Variants in RBFOX1 observed in about 807,000 individuals in gnomAD.
RBFOX1 encodes RNA binding fox-1 homolog 1.
Under a neutral mutation model 57.7 loss-of-function variants are expected in RBFOX1, and 8 were observed. The observed-to-expected ratio is 0.14, with a 90% CI of 0.08 to 0.25. The LOEUF is 0.25. Among genes scored for constraint, RBFOX1 ranks in the 10% least tolerant of loss-of-function variants. The probability of loss-of-function intolerance (pLI) is 1.00; values close to 1 mark genes in which losing one functional copy is unlikely to be tolerated. For missense variants in RBFOX1, 611 were observed against 548.5 expected (o/e 1.11, Z -1.14); for synonymous variants, 326 against 222.4 (o/e 1.47, Z -4.15).
At position 5,540,176 on chromosome 16, in the gene RBFOX1, G is replaced by A. The variant is rs113770745; in HGVS notation, c.259-58726G>A. ...AAAATCAAAAGGATCTGGGGTCTTA[G>A]ACACCATGTGGCACTGCTGAAACAT... On this transcript the variant is annotated intron_variant, in intron 2 of 2. Coordinates refer to the RBFOX1 transcript ENST00000585867. Among the ~76,000 whole-genome samples, 506 of 152,290 alleles carry A rather than the reference G, an allele frequency of 3.3e-3. 6 individuals carry two copies. The highest frequency in any genetic ancestry group is 0.011 in the African/African-American group (477 of 41,554).
intron 3 of RBFOX1, among the ~76,000 whole-genome samples, chr16:6,676,925 C>T (rs1184128475): frequency 6.6e-6 from 1 of 152,016 alleles, no homozygotes. Flanking sequence ...ATCTGCCCAC[C>T]TCGGCCTCCC....
At chr16:6,345,383 G>T (rs2085219706) in intron 2 of RBFOX1, among the ~76,000 whole-genome samples, 1 of 152,216 alleles carries the variant, frequency 6.6e-6, no homozygotes, top group Non-Finnish European at 1.5e-5. Context: ...AAATTAAGGG[G>T]CAGATGATAC....
At chr16:6,185,002 C>T (rs142830294) in intron 1 of RBFOX1, among the ~76,000 whole-genome samples, 5 of 152,220 alleles carry the variant, frequency 3.3e-5, no homozygotes, top group East Asian at 1.9e-4. Flanking sequence ...TGTGTGAATT[C>T]GGCATGAGGT....
At chr16:5,693,514 A>C (rs2050757484) in intron 3 of RBFOX1, among the ~76,000 whole-genome samples, 1 of 152,110 alleles carries the variant, frequency 6.6e-6, no homozygotes, top group African/African-American at 2.4e-5. Context: ...TGGAACAAAA[A>C]AGGTTAAAAA....
chr16:5,824,276 A>G (rs2055958623), intron 3 of RBFOX1, among the ~76,000 whole-genome samples: 1 of 152,198 alleles, frequency 6.6e-6, no homozygotes, highest in African/African-American at 2.4e-5. Context: ...GCCCACCATG[A>G]TGACAGCTGA....
chr16:5,771,096 CTG>C (rs2053962725), intron 3 of RBFOX1, among the ~76,000 whole-genome samples: 1 of 152,168 alleles, frequency 6.6e-6, no homozygotes, highest in Non-Finnish European at 1.5e-5. Flanking sequence ...GCATTTTAAA[CTG>C]TGTAAAGTGA....
intron 3 of RBFOX1, among the ~76,000 whole-genome samples, chr16:6,999,782 T>C (rs1209172136): frequency 6.6e-6 from 1 of 152,050 alleles, no homozygotes; most frequent in Non-Finnish European, 1.5e-5. Flanking sequence ...CCTTTAAAAT[T>C]AGCAATAGGC....
intron 4 of RBFOX1, among the ~76,000 whole-genome samples, chr16:7,168,121 G>C (rs1356412252): frequency 6.6e-6 from 1 of 152,146 alleles, no homozygotes; most frequent in Non-Finnish European, 1.5e-5. Context: ...AAGCAAAATG[G>C]TTTTCCGTCT....
intron 1 of RBFOX1, among the ~76,000 whole-genome samples, chr16:6,057,359 C>T (rs2095627304): frequency 6.6e-6 from 1 of 151,818 alleles, no homozygotes; most frequent in African/African-American, 2.4e-5. Flanking sequence ...AAGCTCCAAA[C>T]CCCAAAGGAT....
At chr16:5,416,965 A>C (rs997251729) in intron 1 of RBFOX1, among the ~76,000 whole-genome samples, 3 of 152,160 alleles carry the variant, frequency 2.0e-5, no homozygotes, top group Non-Finnish European at 4.4e-5. Context: ...CAGCAATGAA[A>C]AGTTCTTCTG....
intron 4 of RBFOX1, among the ~76,000 whole-genome samples, chr16:7,517,860 C>A (rs919768036): frequency 1.4e-4 from 21 of 151,578 alleles, no homozygotes; most frequent in Non-Finnish European, 2.8e-4. Context: ...AAGCCACAGA[C>A]CCTCATGTCT....
intron 1 of RBFOX1, among the ~76,000 whole-genome samples, chr16:6,281,700 A>T (rs1326453539): frequency 6.6e-6 from 1 of 152,234 alleles, no homozygotes; most frequent in Non-Finnish European, 1.5e-5. Context: ...AACACTATTC[A>T]TAACATTAAC....
intron 5 of RBFOX1, among the ~76,000 whole-genome samples, chr16:7,554,491 G>T (rs1021899808): frequency 6.6e-6 from 1 of 152,024 alleles, no homozygotes. Flanking sequence ...AGCCTGAGTC[G>T]TGTAGACTAA....
intron 3 of RBFOX1, among the ~76,000 whole-genome samples, chr16:6,870,673 C>G (rs938815123): frequency 4.3e-4 from 65 of 152,248 alleles, no homozygotes; most frequent in African/African-American, 1.4e-3. Context: ...ATTACCATAA[C>G]CATAATTTTA....
rs537504396 is a variant in RBFOX1, at chr16:5,866,766, C to T, written c.319-537C>T. ...ATGAAATGGGGTCATAAAAGTTATT[C>T]AAGGGTTTAAATGAGATAAAATATA... On this transcript the variant is annotated intron_variant, in intron 3 of 19. Coordinates refer to the RBFOX1 transcript ENST00000641259. Among the ~76,000 whole-genome samples the T allele has an allele frequency of 1.1e-4, 17 of 152,272 alleles. No individual in the cohort carries two copies. The South Asian group carries it at 2.9e-3, about 26-fold the overall frequency.
chr16:6,446,692 T>A (rs1353884477), intron 2 of RBFOX1, among the ~76,000 whole-genome samples: 1 of 152,200 alleles, frequency 6.6e-6, no homozygotes. Flanking sequence ...CTAATTAATT[T>A]AAGTTAATAT....
chr16:7,095,093 G>A (rs1346278895), intron 4 of RBFOX1, among the ~76,000 whole-genome samples: 1 of 151,992 alleles, frequency 6.6e-6, no homozygotes, highest in Non-Finnish European at 1.5e-5. Context: ...GTTTTAACTA[G>A]AATGTTCTTT....
intron 4 of RBFOX1, among the ~76,000 whole-genome samples, chr16:7,122,233 A>G (rs933298882): frequency 6.6e-6 from 1 of 152,184 alleles, no homozygotes; most frequent in Non-Finnish European, 1.5e-5. Context: ...CTGTAAAGAA[A>G]TATTTGTAAA....
At chr16:5,856,264 T>C (rs1411191653) in intron 3 of RBFOX1, among the ~76,000 whole-genome samples, 1 of 21,610 alleles carries the variant, frequency 4.6e-5, no homozygotes, top group Non-Finnish European at 1.0e-4. Flanking sequence ...TATATATGTA[T>C]ATATATATAC....
Sources: allele counts gnomAD v4.1 joint callset (sites outside exome capture counted in the v4.1 genomes callset), GRCh38; gene constraint gnomAD v4.1.1; transcripts MANE v1.5; gene names NCBI Gene and HGNC (gene_info 2026-07-23, HGNC 2026-07-21).